The following ARHGAP24 variants were observed in gnomAD, a reference collection of about 807,000 sequenced individuals.
ARHGAP24 encodes the protein Rho GTPase activating protein 24.
In ARHGAP24, 50 loss-of-function variants were observed where a neutral mutation model predicts 76.4. The ratio of observed to expected loss-of-function variants is 0.65; its 90% CI spans 0.52 to 0.83. The LOEUF is 0.83. Ranked by LOEUF, ARHGAP24 falls within the 40% of genes least tolerant of loss-of-function variation. The pLI, the probability that ARHGAP24 is intolerant of heterozygous loss-of-function variation, is 0.00. For synonymous variants in ARHGAP24, 345 were observed against 323.3 expected (o/e 1.07, Z -0.72); for missense variants, 930 against 914.2 (o/e 1.02, Z -0.22).
chr4:86,000,629 A>G lies in ARHGAP24; in HGVS notation c.2154A>G (p.Leu718=). ...ATGCCGAGAAAAGAAATGACATGCTACAGAAAGAAATGGAGCAGTTTTTTT... is the reference window on the plus strand; with the variant it reads ...ATGCCGAGAAAAGAAATGACATGCTGCAGAAAGAAATGGAGCAGTTTTTTT... The part of the protein sequence containing the change: ...KEDAEKRNDM[L]QKEMEQFFST... Residue 718 remains leucine, a synonymous_variant, in exon 10 of 10, where the codon CTA becomes CTG. Transcript: ENST00000395184. The G allele has an allele frequency of 1.9e-6, 3 of 1,614,100 alleles. No homozygotes were observed. The highest frequency in any genetic ancestry group is 1.7e-6 in the Non-Finnish European group (2 of 1,179,982).
chr4:85,655,818 A>T (rs4527466), intron 2 of ARHGAP24, among the ~76,000 whole-genome samples: 3 of 35,526 alleles, frequency 8.4e-5, no homozygotes, highest in East Asian at 5.0e-4. Flanking sequence ...GAGAGAGAGA[A>T]AGAGAGAGAG....
At chr4:85,827,963 A>G in intron 3 of ARHGAP24, 1 of 1,289,708 alleles carries the variant, frequency 7.8e-7, no homozygotes, top group South Asian at 1.2e-5. Context: ...ACTGAAGTGT[A>G]TGTTTGTGCA....
chr4:85,479,436 G>T (rs757367953), intron 1 of ARHGAP24, among the ~76,000 whole-genome samples: 1 of 152,172 alleles, frequency 6.6e-6, no homozygotes, highest in African/African-American at 2.4e-5. Context: ...CAAGTGGGAG[G>T]TCCTGGATTT....
At chr4:85,722,385 CAA>C (rs535753993) in intron 3 of ARHGAP24, 7 of 137,754 alleles carry the variant, frequency 5.1e-5, no homozygotes, top group Middle Eastern at 5.5e-4. Flanking sequence ...TTGCAAAAAA[CAA>C]AAAAAAAAAC....
chr4:85,700,670 G>A (rs769829942), intron 2 of ARHGAP24, among the ~76,000 whole-genome samples: 16 of 152,102 alleles, frequency 1.1e-4, no homozygotes, highest in Non-Finnish European at 1.8e-4. Context: ...TCCAAGTAGA[G>A]AAAGAGCAGT....
At chr4:85,883,457 T>C (rs1175685067) in intron 3 of ARHGAP24, among the ~76,000 whole-genome samples, 1 of 152,130 alleles carries the variant, frequency 6.6e-6, no homozygotes, top group Admixed American at 6.5e-5. Flanking sequence ...TTCCAACTAG[T>C]AGGAATGCCA....
At position 85,858,118 on chromosome 4, in the gene ARHGAP24, G is replaced by A. The variant is rs150059664; in HGVS notation, c.269-65530G>A. ...TGTAGAATAAATACAATGGACATAGGCCTTCTTTCAATTAGTTGTTCATTC... is the reference window on the plus strand; with the variant it reads ...TGTAGAATAAATACAATGGACATAGACCTTCTTTCAATTAGTTGTTCATTC... On this transcript the variant is annotated intron_variant, in intron 3 of 9. Coordinates refer to ENST00000395184, the MANE Select transcript of ARHGAP24 (RefSeq NM_001025616.3). 2.0e-3 allele frequency among the ~76,000 whole-genome samples: 306 copies of A among 152,192 alleles called. 2 individuals carry two copies. The highest frequency in any genetic ancestry group is 7.1e-3 in the African/African-American group (295 of 41,522).
intron 3 of ARHGAP24, among the ~76,000 whole-genome samples, chr4:85,724,116 C>T (rs972215487): frequency 1.2e-4 from 18 of 152,162 alleles, no homozygotes; most frequent in Admixed American, 8.5e-4. Flanking sequence ...ATAGAACCCT[C>T]GGCAGGCCGT....
At chr4:85,793,093 G>A (rs1023216779) in intron 3 of ARHGAP24, among the ~76,000 whole-genome samples, 4 of 152,110 alleles carry the variant, frequency 2.6e-5, no homozygotes, top group African/African-American at 9.7e-5. Flanking sequence ...ATGAAATTTT[G>A]TGTTAGCAGG....
intron 3 of ARHGAP24, among the ~76,000 whole-genome samples, chr4:85,788,702 A>T (rs1283539143): frequency 6.6e-6 from 1 of 152,218 alleles, no homozygotes; most frequent in East Asian, 1.9e-4. Flanking sequence ...ATCTTAAGTG[A>T]CACAAAGCAA....
At chr4:85,632,047 T>G (rs921664617) in intron 2 of ARHGAP24, among the ~76,000 whole-genome samples, 1 of 152,096 alleles carries the variant, frequency 6.6e-6, no homozygotes, top group Non-Finnish European at 1.5e-5. Context: ...AACTTATATT[T>G]TAATATCTTG....
At chr4:85,533,904 T>C (rs999539397) in intron 1 of ARHGAP24, among the ~76,000 whole-genome samples, 7 of 152,220 alleles carry the variant, frequency 4.6e-5, no homozygotes, top group Admixed American at 6.5e-5. Context: ...TAAGTCACTC[T>C]CTTCGAAAAG....
At position 85,513,386 on chromosome 4, in the gene ARHGAP24, C is replaced by G. The variant is rs146049838; in HGVS notation, c.-21+37827C>G. On this transcript the variant is annotated intron_variant, in intron 1 of 9. Transcript: ENST00000395184. ...CACATGGGGATTCCTGTTTCAGTGT[C>G]CTTTTTGGCCCCTGGGAGCACTAGT... Among the ~76,000 whole-genome samples the G allele has an allele frequency of 4.3e-3, 648 of 152,230 alleles. 6 individuals carry two copies. The highest frequency in any genetic ancestry group is 0.014 in the African/African-American group (599 of 41,530).
intron 1 of ARHGAP24, among the ~76,000 whole-genome samples, chr4:85,520,828 G>C (rs1335443048): frequency 6.6e-6 from 1 of 152,156 alleles, no homozygotes; most frequent in Non-Finnish European, 1.5e-5. Context: ...CTACTGCAAA[G>C]AATGATTTGA....
intron 3 of ARHGAP24, among the ~76,000 whole-genome samples, chr4:85,922,187 G>A (rs1700272301): frequency 6.6e-6 from 1 of 152,180 alleles, no homozygotes; most frequent in Non-Finnish European, 1.5e-5. Flanking sequence ...ACCAATACTA[G>A]TTGTTCAACT....
chr4:85,483,437 C>T (rs1416242612), intron 1 of ARHGAP24, among the ~76,000 whole-genome samples: 2 of 152,192 alleles, frequency 1.3e-5, no homozygotes, highest in South Asian at 4.1e-4. Context: ...CATGGCGAAA[C>T]TCCGTCTCTA....
At position 85,570,819 on chromosome 4, in the gene ARHGAP24, C is replaced by T. The variant is rs1410340956; in HGVS notation, c.180+98C>T. 5.3e-6 allele frequency: 7 copies of T among 1,308,646 alleles called. No individual in the cohort carries two copies. The Admixed American group carries it at 5.5e-5, about 10-fold the overall frequency. 81.1% of individuals were successfully genotyped at this position (1,308,646 alleles called of 1,614,324 possible). ...TTGGGACTGAGACCACCCAAAGCTC[C>T]CTGGTCTCCTTCAGTTCATTGTCAT... On this transcript the variant is annotated intron_variant, in intron 2 of 9. Transcript: ENST00000395184.
chr4:85,953,513 A>G (rs1432226942), intron 5 of ARHGAP24, among the ~76,000 whole-genome samples: 1 of 152,220 alleles, frequency 6.6e-6, no homozygotes, highest in Non-Finnish European at 1.5e-5. Context: ...ATTTTTCAGT[A>G]TCAGTATGTG....
intron 1 of ARHGAP24, among the ~76,000 whole-genome samples, chr4:85,503,256 C>A (rs890681592): frequency 1.3e-5 from 2 of 152,162 alleles, no homozygotes; most frequent in African/African-American, 2.4e-5. Context: ...AGGATTCCCT[C>A]TTTTTCTATT....
Sources: allele counts gnomAD v4.1 joint callset (sites outside exome capture counted in the v4.1 genomes callset), GRCh38; gene constraint gnomAD v4.1.1; transcripts MANE v1.5; gene names NCBI Gene and HGNC (gene_info 2026-07-23, HGNC 2026-07-21).